Variants in PLCL2 observed in about 807,000 individuals in gnomAD.
The protein encoded by PLCL2 is inactive phospholipase C-like protein 2.
A neutral mutation model predicts 79.6 loss-of-function variants in PLCL2; 4 were observed. The observed-to-expected ratio is 0.05, with a 90% CI of 0.02 to 0.11. PLCL2 has a LOEUF of 0.11. PLCL2 is among the 10% of genes least tolerant of loss of function. PLCL2 has a pLI of 1.00. For missense variants in PLCL2, 895 were observed against 1,291.0 expected (o/e 0.69, Z 4.70); for synonymous variants, 484 against 457.7 (o/e 1.06, Z -0.73).
chr3:16,971,364 G>A (rs1297460366), intron 1 of PLCL2, among the ~76,000 whole-genome samples: 2 of 152,148 alleles, frequency 1.3e-5, no homozygotes, highest in Non-Finnish European at 2.9e-5. Context: ...TCAAAGATCA[G>A]ATATTTGTAG....
chr3:17,072,075 C>T (rs930368506), intron 5 of PLCL2, among the ~76,000 whole-genome samples: 1 of 152,122 alleles, frequency 6.6e-6, no homozygotes, highest in Admixed American at 6.5e-5. Flanking sequence ...AATCTGCCCA[C>T]CTCAGCCTTC....
At chr3:16,947,070 C>T (rs1240163922) in intron 1 of PLCL2, among the ~76,000 whole-genome samples, 1 of 149,524 alleles carries the variant, frequency 6.7e-6, no homozygotes, top group Non-Finnish European at 1.5e-5. Flanking sequence ...ATCCTCCCAC[C>T]TCAGCCTCCC....
At chr3:17,057,058 C>T (rs1039849064) in intron 4 of PLCL2, among the ~76,000 whole-genome samples, 2 of 152,148 alleles carry the variant, frequency 1.3e-5, no homozygotes, top group African/African-American at 2.4e-5. Context: ...GTTGGAAATA[C>T]AGGCTGGGCC....
chr3:16,960,529 C>T (rs962004131), intron 1 of PLCL2, among the ~76,000 whole-genome samples: 2 of 152,182 alleles, frequency 1.3e-5, no homozygotes, highest in South Asian at 2.1e-4. Flanking sequence ...CTACTCAGCA[C>T]CACTTGACGT....
intron 1 of PLCL2, among the ~76,000 whole-genome samples, chr3:16,990,926 A>G (rs1458357929): frequency 6.6e-6 from 1 of 152,238 alleles, no homozygotes; most frequent in Non-Finnish European, 1.5e-5. Flanking sequence ...AAGGTTGTCA[A>G]CAGCAGATAA....
chr3:17,030,447 A>G (rs1159943448), intron 3 of PLCL2, among the ~76,000 whole-genome samples: 1 of 152,166 alleles, frequency 6.6e-6, no homozygotes. Context: ...CCAGAGCAGC[A>G]TTTGTCATGC....
At chr3:17,073,887 A>G (rs1171245106) in intron 5 of PLCL2, among the ~76,000 whole-genome samples, 1 of 152,116 alleles carries the variant, frequency 6.6e-6, no homozygotes, top group Non-Finnish European at 1.5e-5. Context: ...TTTTCATTCC[A>G]TCTGCATTTA....
chr3:16,936,880 C>T lies in PLCL2; in HGVS notation c.327+51514C>T, dbSNP rs188817644. Among the ~76,000 whole-genome samples, 236 of 152,082 alleles carry T rather than the reference C, an allele frequency of 1.6e-3. 1 individual carries two copies. Among genetic ancestry groups the T allele is most frequent in the Admixed American group, 4.3e-3 (66 of 15,270 alleles). On this transcript the variant is annotated intron_variant, in intron 1 of 5. Coordinates refer to ENST00000615277, the MANE Select transcript of PLCL2 (RefSeq NM_001144382.2). ...GGCTTTCTGATGTTGTCCAGGTGTA[C>T]GTATTAACCCTTCAATCTTATCTTT...
At chr3:17,086,091 T>C (rs1021050852) in intron 5 of PLCL2, among the ~76,000 whole-genome samples, 1 of 152,076 alleles carries the variant, frequency 6.6e-6, no homozygotes, top group Non-Finnish European at 1.5e-5. Flanking sequence ...GACAAACCGA[T>C]TCCAAAGTTT....
chr3:16,960,341 C>A (rs750785358), intron 1 of PLCL2, among the ~76,000 whole-genome samples: 1 of 152,226 alleles, frequency 6.6e-6, no homozygotes. Flanking sequence ...CCTCGCCTGG[C>A]CTTCTGCCTG....
chr3:16,979,122 G>A (rs2063954860), intron 1 of PLCL2, among the ~76,000 whole-genome samples: 1 of 152,122 alleles, frequency 6.6e-6, no homozygotes. Flanking sequence ...AATTTGATTA[G>A]TATTTCAAAA....
intron 1 of PLCL2, among the ~76,000 whole-genome samples, chr3:16,974,843 A>G (rs1166953760): frequency 3.9e-5 from 6 of 152,352 alleles, no homozygotes; most frequent in Admixed American, 6.5e-5. Flanking sequence ...CTCACTTTAC[A>G]TAATAGATGA....
intron 1 of PLCL2, among the ~76,000 whole-genome samples, chr3:16,938,064 C>A (rs541847001): frequency 1.3e-5 from 2 of 152,120 alleles, no homozygotes; most frequent in South Asian, 4.1e-4. Context: ...ATAATGCAAT[C>A]GTGTTAAATC....
At chr3:16,953,489 T>C (rs981585926) in intron 1 of PLCL2, among the ~76,000 whole-genome samples, 1 of 152,154 alleles carries the variant, frequency 6.6e-6, no homozygotes, top group Non-Finnish European at 1.5e-5. Context: ...GTAAAATAGA[T>C]AGGATCACTG....
chr3:16,916,972 T>TA (rs1384282195), intron 1 of PLCL2, among the ~76,000 whole-genome samples: 3 of 152,146 alleles, frequency 2.0e-5, no homozygotes, highest in African/African-American at 4.8e-5. Context: ...TTCTTTGTCG[T>TA]ACGAGCCCCT....
At chr3:17,068,653 T>A (rs923307488) in intron 5 of PLCL2, among the ~76,000 whole-genome samples, 6 of 152,174 alleles carry the variant, frequency 3.9e-5, no homozygotes, top group African/African-American at 1.4e-4. Flanking sequence ...ATAAAAATAA[T>A]ATATTTTCAT....
intron 1 of PLCL2, among the ~76,000 whole-genome samples, chr3:16,892,753 G>A (rs181784694): frequency 6.6e-6 from 1 of 152,094 alleles, no homozygotes; most frequent in Non-Finnish European, 1.5e-5. Context: ...TGTATGCATC[G>A]TCTCATGCAA....
intron 5 of PLCL2, among the ~76,000 whole-genome samples, chr3:17,085,275 T>A (rs2065205841): frequency 6.6e-6 from 1 of 151,736 alleles, no homozygotes; most frequent in African/African-American, 2.4e-5. Flanking sequence ...AGCTGGTACT[T>A]CAGGTGCACA....
At chr3:16,971,248 A>G (rs549261608) in intron 1 of PLCL2, among the ~76,000 whole-genome samples, 175 of 152,094 alleles carry the variant, frequency 1.2e-3, no homozygotes, top group Non-Finnish European at 2.1e-3. Context: ...TATAAGGTGT[A>G]AGGAAGGGAT....
Sources: gnomAD v4.1 joint callset for allele counts (sites outside exome capture counted in the v4.1 genomes callset) on GRCh38, gnomAD v4.1.1 for gene constraint, MANE v1.5 for transcripts, NCBI Gene and HGNC (gene_info 2026-07-23, HGNC 2026-07-21) for gene names.